The following TBXAS1 variants were observed in gnomAD, a reference collection of about 807,000 sequenced individuals.
The protein encoded by TBXAS1 is thromboxane-A synthase.
Under a neutral mutation model 60.7 loss-of-function variants are expected in TBXAS1, and 48 were observed. The observed-to-expected ratio is 0.79, with a 90% CI of 0.63 to 1.01. The LOEUF (loss-of-function observed/expected upper bound fraction) is 1.01. Ranked by LOEUF, TBXAS1 falls within the 50% of genes least tolerant of loss-of-function variation. The pLI is 0.00. For missense variants in TBXAS1, 685 were observed against 686.3 expected (o/e 1.00, Z 0.02); for synonymous variants, 287 against 269.7 (o/e 1.06, Z -0.63).
At chr7:139,894,153 G>A (rs1803890179) in intron 3 of TBXAS1, among the ~76,000 whole-genome samples, 1 of 152,188 alleles carries the variant, frequency 6.6e-6, no homozygotes, top group African/African-American at 2.4e-5. Flanking sequence ...GCCAAGCCTG[G>A]GGGCTTTCCT....
intron 1 of TBXAS1, among the ~76,000 whole-genome samples, chr7:139,851,511 G>C (rs1248386684): frequency 6.6e-6 from 1 of 152,202 alleles, no homozygotes; most frequent in Non-Finnish European, 1.5e-5. Flanking sequence ...CCACCCCAGG[G>C]TGAAGTTTCC....
At position 139,865,916 on chromosome 7, in the gene TBXAS1, A is replaced by AC. The variant is rs202046669; in HGVS notation, c.90-6319_90-6318insC. 4.9e-4 allele frequency among the ~76,000 whole-genome samples: 67 copies of AC among 136,342 alleles called. 3 individuals carry two copies. Among genetic ancestry groups the AC allele is most frequent in the African/African-American group, 1.9e-3 (64 of 33,564 alleles). The allele number at this position is 136,342 out of a possible 152,430, so 89.4% of individuals were successfully genotyped here. On this transcript the variant is annotated intron_variant, in intron 1 of 12. Transcript: ENST00000448866. ...AAGGAGGGAGGGAGGAAGGAAGGAA[A>AC]GAGGGAGGGAAGGAAGGGAAGAAGG...
chr7:140,002,595 C>T (rs528285783), intron 9 of TBXAS1, among the ~76,000 whole-genome samples: 1 of 151,986 alleles, frequency 6.6e-6, no homozygotes, highest in Non-Finnish European at 1.5e-5. Flanking sequence ...TGTTGTCTCG[C>T]TGGTTCGACT....
chr7:139,798,372 G>A lies in TBXAS1; in HGVS notation c.-80+10946G>A, dbSNP rs543959642. ...AAACAGGGAGATTCCCGCATGGGTG[G>A]AGCCAAGTTTCCACTGTGCTGTGAG... On this transcript the variant is annotated intron_variant, in intron 4 of 16. Transcript: ENST00000336425. Among the ~76,000 whole-genome samples, 299 of 152,278 alleles carry A rather than the reference G, an allele frequency of 2.0e-3. 2 individuals carry two copies. The highest frequency in any genetic ancestry group is 6.8e-3 in the African/African-American group (284 of 41,554).
At chr7:139,860,012 G>A (rs1013389787) in intron 1 of TBXAS1, among the ~76,000 whole-genome samples, 8 of 152,096 alleles carry the variant, frequency 5.3e-5, no homozygotes, top group East Asian at 1.9e-4. Context: ...AATAGTGCAC[G>A]CCTGTAGTCC....
At chr7:139,872,428 G>T in intron 2 of TBXAS1, 100 bp downstream of exon 2, 21 of 1,165,742 alleles carry the variant, frequency 1.8e-5, no homozygotes, top group Non-Finnish European at 2.6e-5. Flanking sequence ...GCCGAAGCGT[G>T]TGGATCACCT....
rs1809576185 is a variant in TBXAS1 at position 139,953,449 on chromosome 7, A to G, written c.532A>G (p.Ile178Val). ...TGCGGAATCTGGGGACGCATTTGAC[A>G]TCCAGAGGTAAGGCTGCTGCATTAC... ...RYAESGDAFD[I>V]QRCYCNYTTD... The change falls in exon 6 of 13, where the codon ATC becomes GTC. Residue 178 changes from isoleucine to valine, a missense_variant. Transcript: ENST00000448866. 6.2e-7 allele frequency: 1 copy of G among 1,614,044 alleles called. No individual in the cohort carries two copies. Among genetic ancestry groups the G allele is most frequent in the African/African-American group, 1.3e-5 (1 of 74,950 alleles).
chr7:139,973,508 T>A (rs1811357116), intron 9 of TBXAS1, among the ~76,000 whole-genome samples: 1 of 152,060 alleles, frequency 6.6e-6, no homozygotes, highest in Non-Finnish European at 1.5e-5. Context: ...GAAAGTCTGT[T>A]TTGCCCCAGG....
intron 9 of TBXAS1, among the ~76,000 whole-genome samples, chr7:140,002,624 C>T (rs1813753414): frequency 1.3e-5 from 2 of 152,260 alleles, no homozygotes; most frequent in East Asian, 1.9e-4. Flanking sequence ...GAGGTGTGTG[C>T]GTCCTTCTGC....
At chr7:139,885,170 A>G (rs1802989397) in intron 3 of TBXAS1, among the ~76,000 whole-genome samples, 1 of 152,214 alleles carries the variant, frequency 6.6e-6, no homozygotes. Flanking sequence ...GGAGAACTGT[A>G]TATCACGTTC....
At chr7:139,894,038 AG>A (rs926037032) in intron 3 of TBXAS1, among the ~76,000 whole-genome samples, 10 of 152,162 alleles carry the variant, frequency 6.6e-5, no homozygotes, top group Non-Finnish European at 1.2e-4. Context: ...GCTGAGGGCC[AG>A]GGGGGAGGCT....
chr7:139,849,575 G>A (rs1044611187), intron 1 of TBXAS1, among the ~76,000 whole-genome samples: 3 of 152,044 alleles, frequency 2.0e-5, no homozygotes, highest in Admixed American at 6.5e-5. Flanking sequence ...GTCCTGGGCC[G>A]AACCTGGGGA....
intron 9 of TBXAS1, among the ~76,000 whole-genome samples, chr7:139,978,890 G>A (rs952194062): frequency 6.6e-6 from 1 of 152,148 alleles, no homozygotes; most frequent in African/African-American, 2.4e-5. Flanking sequence ...AGGAGTTGGA[G>A]GCTGCAGAGA....
chr7:139,904,000 T>C lies in TBXAS1; in HGVS notation c.237-7225T>C, dbSNP rs146180062. Among the ~76,000 whole-genome samples, 339 of 152,248 alleles carry C rather than the reference T, an allele frequency of 2.2e-3. 4 individuals are homozygous for C. The highest frequency in any genetic ancestry group is 7.7e-3 in the African/African-American group (321 of 41,478). On this transcript the variant is annotated intron_variant, in intron 3 of 12. Transcript: ENST00000448866. ...TCTTTGTTTTTGTTGCATTTGCTTT[T>C]GGGTTCTTGGTCACGAAATCCTTGT...
chr7:139,914,037 T>G (rs1298869734), intron 4 of TBXAS1: 1 of 151,618 alleles, frequency 6.6e-6, no homozygotes, highest in Non-Finnish European at 1.5e-5. Flanking sequence ...ATCTTTTTTT[T>G]TTTTTTTTTG....
intron 1 of TBXAS1, among the ~76,000 whole-genome samples, chr7:139,858,397 C>T (rs1800730789): frequency 6.6e-6 from 1 of 152,138 alleles, no homozygotes; most frequent in Non-Finnish European, 1.5e-5. Context: ...TTTTTTAAGG[C>T]TCAACAAATA....
intron 9 of TBXAS1, among the ~76,000 whole-genome samples, chr7:139,983,592 A>G (rs1467908673): frequency 6.6e-6 from 1 of 152,122 alleles, no homozygotes; most frequent in Non-Finnish European, 1.5e-5. Context: ...ACACCAACCC[A>G]ATAGATCTCC....
At chr7:139,805,933 C>CTTT (rs35769530) in intron 4 of TBXAS1, among the ~76,000 whole-genome samples, 7 of 104,766 alleles carry the variant, frequency 6.7e-5, no homozygotes, top group African/African-American at 2.3e-4. Context: ...CAAATTTTTG[C>CTTT]TTTTTTTTTT....
rs1379930201 is a variant in TBXAS1, at chr7:139,987,851, C to A, written c.1135-19240C>A. On this transcript the variant is annotated intron_variant, in intron 9 of 12. Transcript: ENST00000448866. ...ATTGGGACACTAAGTAATCTGGGGGCCCAAAAGACTTTGGGGGCCACGGGA... is the reference window on the plus strand; with the variant it reads ...ATTGGGACACTAAGTAATCTGGGGGACCAAAAGACTTTGGGGGCCACGGGA... Among the ~76,000 whole-genome samples the A allele has an allele frequency of 4.6e-5, 7 of 152,250 alleles. No homozygotes were observed. In the East Asian group the frequency reaches 1.2e-3, roughly 25 times the overall value.
Sources: allele counts gnomAD v4.1 joint callset (sites outside exome capture counted in the v4.1 genomes callset), GRCh38; gene constraint gnomAD v4.1.1; transcripts MANE v1.5; gene names NCBI Gene and HGNC (gene_info 2026-07-23, HGNC 2026-07-21).